PTPRM: variants seen among roughly 807,000 people sequenced by gnomAD.
The protein encoded by PTPRM is receptor-type tyrosine-protein phosphatase mu.
Under a neutral mutation model 186.7 loss-of-function variants are expected in PTPRM, and 47 were observed. The observed-to-expected ratio is 0.25, with a 90% CI of 0.20 to 0.32. PTPRM has a LOEUF of 0.32. Among genes scored for constraint, PTPRM ranks in the 10% least tolerant of loss-of-function variants. The pLI is 1.00. For synonymous variants in PTPRM, 668 were observed against 674.9 expected (o/e 0.99, Z 0.16); for missense variants, 1,494 against 1,865.0 (o/e 0.80, Z 3.66).
intron 14 of PTPRM, among the ~76,000 whole-genome samples, chr18:8,204,765 CAAAAACAAAAA>C (rs1027399426): frequency 4.7e-5 from 7 of 149,626 alleles, no homozygotes; most frequent in East Asian, 1.9e-4. Context: ...ACTAAAAAAA[CAAAAACAAAAA>C]AAAAACAAAA....
chr18:7,918,400 G>A (rs998499119), intron 4 of PTPRM, among the ~76,000 whole-genome samples: 1 of 152,024 alleles, frequency 6.6e-6, no homozygotes, highest in South Asian at 2.1e-4. Flanking sequence ...ACCAGTATCC[G>A]TTACTCCCTG....
chr18:7,878,993 G>A (rs1254614726), intron 2 of PTPRM, among the ~76,000 whole-genome samples: 4 of 152,126 alleles, frequency 2.6e-5, no homozygotes, highest in South Asian at 2.1e-4. Context: ...AGTCATTAGC[G>A]TCATCAGATA....
At chr18:8,007,985 C>G (rs2084291995) in intron 7 of PTPRM, among the ~76,000 whole-genome samples, 1 of 152,090 alleles carries the variant, frequency 6.6e-6, no homozygotes, top group Non-Finnish European at 1.5e-5. Context: ...GTGGTGCTGT[C>G]TTTATTTTTA....
At chr18:8,385,043 T>C (rs537858228) in intron 30 of PTPRM, among the ~76,000 whole-genome samples, 2 of 151,732 alleles carry the variant, frequency 1.3e-5, no homozygotes, top group Admixed American at 6.6e-5. Flanking sequence ...GGTCAGTGGA[T>C]GGAAAATTAC....
chr18:8,086,535 AT>A (rs1476896394), intron 10 of PTPRM, among the ~76,000 whole-genome samples: 4 of 152,060 alleles, frequency 2.6e-5, no homozygotes, highest in African/African-American at 7.2e-5. Flanking sequence ...ATTTTTTCCC[AT>A]TTTTTCCCCT....
intron 23 of PTPRM, among the ~76,000 whole-genome samples, chr18:8,362,419 C>G (rs2095602604): frequency 6.6e-6 from 1 of 152,164 alleles, no homozygotes; most frequent in African/African-American, 2.4e-5. Context: ...ACTTTCCTTC[C>G]CAATACAATT....
intron 11 of PTPRM, among the ~76,000 whole-genome samples, chr18:8,099,203 A>G (rs572021846): frequency 4.0e-4 from 60 of 148,328 alleles, no homozygotes; most frequent in African/African-American, 1.4e-3. Context: ...CCTCCTAGCT[A>G]TGGCCCAGAT....
chr18:7,685,382 G>C lies in PTPRM; in HGVS notation c.74-88767G>C, dbSNP rs28674664. Among the ~76,000 whole-genome samples, 1,228 of 152,270 alleles carry C rather than the reference G, an allele frequency of 8.1e-3. 14 individuals carry two copies. Among genetic ancestry groups the C allele is most frequent in the African/African-American group, 0.028 (1,174 of 41,554 alleles). On this transcript the variant is annotated intron_variant, in intron 1 of 32. Coordinates refer to ENST00000580170, the MANE Select transcript of PTPRM (RefSeq NM_001105244.2). ...TCATTGTATCTTGATGCCCCGAAGG[G>C]TGTGAGAGATTCTTAAAGATGATAG...
At chr18:7,578,549 A>C (rs868659365) in intron 1 of PTPRM, among the ~76,000 whole-genome samples, 10 of 151,648 alleles carry the variant, frequency 6.6e-5, no homozygotes, top group Non-Finnish European at 1.5e-4. Flanking sequence ...GTTAGCCAGG[A>C]TGGTCTCGAT....
At chr18:8,018,235 T>C (rs2084996820) in intron 7 of PTPRM, 1 of 152,176 alleles carries the variant, frequency 6.6e-6, no homozygotes, top group African/African-American at 2.4e-5. Context: ...TGTGCCATGA[T>C]TGTGCCTGTG....
rs534132223 is a variant in PTPRM at position 8,161,969 on chromosome 18, T to C, written c.2300+18190T>C. Among the ~76,000 whole-genome samples, 45 of 152,340 alleles carry C rather than the reference T, an allele frequency of 3.0e-4. No individual in the cohort carries two copies. The South Asian group carries it at 3.9e-3, about 13-fold the overall frequency. ...CTCATCCCTGTGTTCTGCACTGGGA[T>C]TGCTGTTGACTCCTGTTATTTCTTG... is the stretch of plus-strand genomic sequence containing the variant. On this transcript the variant is annotated intron_variant, in intron 14 of 32. Coordinates refer to ENST00000580170, the MANE Select transcript of PTPRM (RefSeq NM_001105244.2).
intron 13 of PTPRM, among the ~76,000 whole-genome samples, chr18:8,132,628 A>G (rs972087178): frequency 6.6e-6 from 1 of 152,190 alleles, no homozygotes; most frequent in Non-Finnish European, 1.5e-5. Context: ...GACTTCTAAA[A>G]CAAACTCCAT....
chr18:8,126,027 A>ATAT (rs57751538), intron 13 of PTPRM, among the ~76,000 whole-genome samples: 15 of 69,522 alleles, frequency 2.2e-4, no homozygotes, highest in African/African-American at 5.2e-4. Flanking sequence ...ATATATATAT[A>ATAT]TTTTAAATCA....
At chr18:7,602,905 AATTATTATT>A (rs71354561) in intron 1 of PTPRM, among the ~76,000 whole-genome samples, 12,612 of 141,656 alleles carry the variant, frequency 0.089, 665 homozygotes, top group East Asian at 0.2. Context: ...ATGTATTTGG[AATTATTATT>A]ATTATTATTA....
chr18:7,936,184 C>T (rs2051794203), intron 5 of PTPRM, among the ~76,000 whole-genome samples: 1 of 152,192 alleles, frequency 6.6e-6, no homozygotes, highest in Non-Finnish European at 1.5e-5. Flanking sequence ...CTGAGCACAG[C>T]TGCGGCTGCC....
At chr18:8,056,527 C>T (rs2087956342) in intron 7 of PTPRM, among the ~76,000 whole-genome samples, 1 of 151,692 alleles carries the variant, frequency 6.6e-6, no homozygotes, top group Non-Finnish European at 1.5e-5. Flanking sequence ...GAGGCTGAGG[C>T]AGGAGAATTG....
At chr18:7,740,286 G>A (rs904566767) in intron 1 of PTPRM, among the ~76,000 whole-genome samples, 1 of 152,150 alleles carries the variant, frequency 6.6e-6, no homozygotes, top group Non-Finnish European at 1.5e-5. Flanking sequence ...TGACCTAAAA[G>A]GAGGAAACTG....
At chr18:7,794,361 C>T (rs2043496455) in intron 2 of PTPRM, among the ~76,000 whole-genome samples, 1 of 152,168 alleles carries the variant, frequency 6.6e-6, no homozygotes, top group Admixed American at 6.5e-5. Flanking sequence ...CACTGCCTGT[C>T]TGTATGCTCC....
intron 7 of PTPRM, among the ~76,000 whole-genome samples, chr18:8,023,335 G>C (rs2085345817): frequency 1.3e-5 from 2 of 152,160 alleles, no homozygotes; most frequent in Admixed American, 6.5e-5. Flanking sequence ...CTTGTATAAA[G>C]TTCTTGTATG....
Sources: allele counts gnomAD v4.1 joint callset (sites outside exome capture counted in the v4.1 genomes callset), GRCh38; gene constraint gnomAD v4.1.1; transcripts MANE v1.5; gene names NCBI Gene and HGNC (gene_info 2026-07-23, HGNC 2026-07-21).